Variants in SEPTIN2 observed in about 807,000 individuals in gnomAD.
SEPTIN2 encodes the protein septin 2.
In SEPTIN2, 34 loss-of-function variants were observed where a neutral mutation model predicts 46.5. The observed-to-expected ratio is 0.73, with a 90% CI of 0.56 to 0.97. SEPTIN2 has a LOEUF of 0.97. Among genes scored for constraint, SEPTIN2 ranks in the 50% least tolerant of loss-of-function variants. SEPTIN2 has a pLI of 0.00. For synonymous variants in SEPTIN2, 175 were observed against 153.4 expected (o/e 1.14, Z -1.04); for missense variants, 347 against 448.4 (o/e 0.77, Z 2.04).
At chr2:241,327,023 C>T (rs1311849582) in intron 3 of SEPTIN2, among the ~76,000 whole-genome samples, 2 of 130,098 alleles carry the variant, frequency 1.5e-5, no homozygotes, top group Non-Finnish European at 3.1e-5. Flanking sequence ...ACTCAAGCCT[C>T]AAGCCTGGGT....
intron 1 of SEPTIN2, chr2:241,316,254 C>T (rs949952381): frequency 7.5e-6 from 3 of 400,534 alleles, no homozygotes; most frequent in Admixed American, 4.5e-5. Context: ...CCTTGTTGAC[C>T]CTGCGGGAAT....
intron 1 of SEPTIN2, 46 bp from the exon 2 acceptor site, chr2:241,324,170 C>A (rs761407632): frequency 1.3e-6 from 2 of 1,541,464 alleles, no homozygotes; most frequent in Admixed American, 1.7e-5. Flanking sequence ...TACATACATA[C>A]TATGTATGTG....
intron 7 of SEPTIN2, among the ~76,000 whole-genome samples, chr2:241,341,564 A>G (rs1368576575): frequency 6.6e-6 from 1 of 152,214 alleles, no homozygotes; most frequent in East Asian, 1.9e-4. Context: ...TTTCTCCCAG[A>G]GATAAGATGG....
rs779394569 is a variant in SEPTIN2 at position 241,350,178 on chromosome 2, G to A, written c.*4G>A. On this transcript the variant is annotated 3_prime_UTR_variant, in exon 12 of 13. Transcript: ENST00000391971. ...GGCTCTCGGGCACCACGTGTAAGGT[G>A]ATGTGCACATATCAAGAAGTCAGAG... The A allele has an allele frequency of 1.2e-6, 2 of 1,605,928 alleles. No homozygotes were observed. Among genetic ancestry groups the A allele is most frequent in the South Asian group, 2.2e-5 (2 of 89,680 alleles).
In SEPTIN2 at chr2:241,336,105, T is replaced by TC. The variant is rs2079926360; in HGVS notation, c.341+12dup. 2 of 1,613,416 alleles carry TC rather than the reference T, an allele frequency of 1.2e-6. No homozygotes were observed. Among genetic ancestry groups the TC allele is most frequent in the Admixed American group, 3.3e-5 (2 of 59,962 alleles). ...CTATCAACTGCAGAGATTGGTATGC[T>TC]CCCCCATGCCCAGGGATCTGCATTT... On this transcript the variant is annotated splice_region_variant and intron_variant, in intron 5 of 12. Coordinates refer to ENST00000391971, the MANE Select transcript of SEPTIN2 (RefSeq NM_004404.5).
intron 3 of SEPTIN2, among the ~76,000 whole-genome samples, chr2:241,327,423 AAG>A (rs2078176467): frequency 6.6e-6 from 1 of 151,990 alleles, no homozygotes; most frequent in African/African-American, 2.4e-5. Context: ...GGAAAAAAAA[AAG>A]AAATTGAATG....
At chr2:241,345,834 G>A (rs1003726505) in intron 9 of SEPTIN2, among the ~76,000 whole-genome samples, 2 of 152,158 alleles carry the variant, frequency 1.3e-5, no homozygotes, top group African/African-American at 4.8e-5. Context: ...TTCAGACATT[G>A]TTGACCTGAA....
intron 1 of SEPTIN2, chr2:241,317,496 C>T: frequency 1.0e-6 from 1 of 981,488 alleles, no homozygotes; most frequent in Non-Finnish European, 1.2e-6. Context: ...TCCCCAATAC[C>T]AGCATACAGA....
chr2:241,348,229 GTTGTT>G lies in SEPTIN2; in HGVS notation c.984+45_984+49del, dbSNP rs746209126. On this transcript the variant is annotated intron_variant, in intron 11 of 12. Coordinates refer to ENST00000391971, the MANE Select transcript of SEPTIN2 (RefSeq NM_004404.5). ...GTACTATTGGTTGGTTGGTTGGTTGGTTGTTTTGTTTGTTTTGAGACAGAGTTTTG... is the reference window on the plus strand; with the variant it reads ...GTACTATTGGTTGGTTGGTTGGTTGGTTGTTTGTTTTGAGACAGAGTTTTG... The G allele has an allele frequency of 5.7e-6, 9 of 1,573,328 alleles. No homozygotes were observed. The East Asian group carries it at 1.8e-4, about 32-fold the overall frequency.
chr2:241,349,792 G>A (rs2060623771), intron 11 of SEPTIN2, among the ~76,000 whole-genome samples: 1 of 152,226 alleles, frequency 6.6e-6, no homozygotes, highest in African/African-American at 2.4e-5. Context: ...CTGCACTCCA[G>A]CCTAGGAGAC....
chr2:241,340,172 G>T (rs1445088865), intron 7 of SEPTIN2, among the ~76,000 whole-genome samples: 1 of 152,100 alleles, frequency 6.6e-6, no homozygotes, highest in Non-Finnish European at 1.5e-5. Flanking sequence ...TGGTTATGTT[G>T]CCAGTTTTTG....
intron 3 of SEPTIN2, among the ~76,000 whole-genome samples, chr2:241,329,708 C>T (rs935735132): frequency 6.6e-6 from 1 of 152,216 alleles, no homozygotes; most frequent in African/African-American, 2.4e-5. Flanking sequence ...GTCTACCTTA[C>T]TGCTGTGTCT....
intron 1 of SEPTIN2, chr2:241,316,329 G>A: frequency 2.2e-6 from 1 of 457,658 alleles, no homozygotes; most frequent in South Asian, 3.4e-5. Flanking sequence ...GGGAGGTTTG[G>A]TGCTTGGAGG....
intron 1 of SEPTIN2, among the ~76,000 whole-genome samples, chr2:241,319,504 G>A (rs2076842174): frequency 6.6e-6 from 1 of 152,242 alleles, no homozygotes; most frequent in African/African-American, 2.4e-5. Context: ...ATTATCGGTT[G>A]TAATTTAAAT....
At position 241,337,366 on chromosome 2, in the gene SEPTIN2, T is replaced by G. The variant is rs781085812; in HGVS notation, c.342-16T>G. 7.3e-5 allele frequency: 118 copies of G among 1,608,130 alleles called. No individual in the cohort carries two copies. The highest frequency in any genetic ancestry group is 9.8e-5 in the Non-Finnish European group (115 of 1,177,084). On this transcript the variant is annotated splice_polypyrimidine_tract_variant and intron_variant, in intron 5 of 12. Transcript: ENST00000391971. ...TTATACCCTATGATTATTGTTAATG[T>G]TTCTGTTTCTCTCAGTTTTAAGACA... is the stretch of plus-strand genomic sequence containing the variant.
At chr2:241,316,505 G>C in intron 1 of SEPTIN2, 5 of 1,513,684 alleles carry the variant, frequency 3.3e-6, no homozygotes, top group Non-Finnish European at 4.4e-6. Context: ...ACTAGGCCCT[G>C]TCTGCGGGTA....
intron 2 of SEPTIN2, 49 bp from the exon 3 acceptor site, chr2:241,325,944 G>A: frequency 2.6e-6 from 4 of 1,529,594 alleles, no homozygotes; most frequent in Non-Finnish European, 1.8e-6. Context: ...TATCTTAAAA[G>A]CAACTACTAA....
At position 241,324,196 on chromosome 2, in the gene SEPTIN2, G is replaced by T; in HGVS notation, c.-17-20G>T. The T allele has an allele frequency of 6.2e-7, 1 of 1,606,834 alleles. No homozygotes were observed. The highest frequency in any genetic ancestry group is 8.5e-7 in the Non-Finnish European group (1 of 1,176,962). On this transcript the variant is annotated intron_variant, in intron 1 of 12. Coordinates refer to ENST00000391971, the MANE Select transcript of SEPTIN2 (RefSeq NM_004404.5). ...TATGTATGTGCGTTTATGTGTGTCT[G>T]TGTGTTTTTTTTTTAACAGACGAAG...
intron 3 of SEPTIN2, among the ~76,000 whole-genome samples, chr2:241,327,958 CAGG>C (rs1009767259): frequency 2.6e-5 from 4 of 152,150 alleles, no homozygotes; most frequent in Non-Finnish European, 4.4e-5. Context: ...GAGGCTGAGG[CAGG>C]AGGATCACCT....
Sources: gnomAD v4.1 joint callset for allele counts (sites outside exome capture counted in the v4.1 genomes callset) on GRCh38, gnomAD v4.1.1 for gene constraint, MANE v1.5 for transcripts, NCBI Gene and HGNC (gene_info 2026-07-23, HGNC 2026-07-21) for gene names.